TTC13: variants seen among roughly 807,000 people sequenced by gnomAD.
TTC13 encodes the protein tetratricopeptide repeat domain 13.
In TTC13, 62 loss-of-function variants were observed where a neutral mutation model predicts 120.0. That is an observed-to-expected ratio of 0.52 (90% CI 0.42 to 0.64). The LOEUF is 0.64. Among genes scored for constraint, TTC13 ranks in the 30% least tolerant of loss-of-function variants. The probability of loss-of-function intolerance (pLI) is 0.00; values close to 1 mark genes in which losing one functional copy is unlikely to be tolerated. For synonymous variants in TTC13, 384 were observed against 393.5 expected, an observed-to-expected ratio of 0.98 and a Z score of 0.28; for missense variants, 824 against 1,050.2, an observed-to-expected ratio of 0.78 and a Z score of 2.98.
At chr1:230,957,733 A>G (rs1676228748) in intron 3 of TTC13, among the ~76,000 whole-genome samples, 1 of 151,982 alleles carries the variant, frequency 6.6e-6, no homozygotes, top group Non-Finnish European at 1.5e-5. Flanking sequence ...TGCAATGAAC[A>G]CACCAAACTA....
chr1:230,924,026 C>T (rs1033750028), intron 14 of TTC13, 93 bp from the exon 15 acceptor site: 3 of 881,600 alleles, frequency 3.4e-6, no homozygotes, highest in Non-Finnish European at 5.3e-6. Context: ...GATAAAGCAA[C>T]AGCTAGTCCA....
At chr1:230,947,574 AT>A (rs1489751551) in intron 4 of TTC13, among the ~76,000 whole-genome samples, 13 of 151,976 alleles carry the variant, frequency 8.6e-5, no homozygotes, top group East Asian at 1.9e-4. Context: ...AAAAAAAAAA[AT>A]ATCATAATGT....
chr1:230,931,585 G>T, intron 10 of TTC13, 113 bp from the exon 11 acceptor site: 1 of 1,456,616 alleles, frequency 6.9e-7, no homozygotes, highest in Non-Finnish European at 9.4e-7. Flanking sequence ...CTGTAAACTA[G>T]TCTACAGGAC....
intron 1 of TTC13, among the ~76,000 whole-genome samples, chr1:230,964,194 T>C (rs895856718): frequency 1.3e-5 from 2 of 152,238 alleles, no homozygotes; most frequent in African/African-American, 4.8e-5. Context: ...ACTGGATACT[T>C]AGGATGTCCC....
chr1:230,934,246 A>C (rs1240247289), intron 8 of TTC13, among the ~76,000 whole-genome samples: 1 of 152,228 alleles, frequency 6.6e-6, no homozygotes, highest in Non-Finnish European at 1.5e-5. Flanking sequence ...TGTGTGAAAT[A>C]ATTTAAAATG....
intron 11 of TTC13, 137 bp downstream of exon 11, chr1:230,931,161 A>T: frequency 1.3e-6 from 1 of 744,526 alleles, no homozygotes; most frequent in Non-Finnish European, 2.2e-6. Context: ...ACTAGCACTG[A>T]CAAGGTGTGG....
chr1:230,931,378 G>A lies in TTC13; in HGVS notation c.1220C>T (p.Ala407Val). ...AMGQFYEGIK[A>V]QTKVMLNDPL... ...ATCATTCAGCATAACTTTTGTTTGT[G>A]CTTTTATCCCTTCATAAAACTGTCC... The change falls in exon 11 of 23, where the codon GCA becomes GTA. Residue 407 changes from alanine (A) to valine (V), a missense_variant. Physicochemically the swap from Ala to Val is moderately conservative, Grantham distance 64 (BLOSUM62 0). Around this residue, in one of 4 missense-constraint regions of TTC13, gnomAD observed 430 missense variants for 626.8 expected, o/e 0.69. Transcript: ENST00000366661. 6.2e-7 allele frequency: 1 copy of A among 1,614,152 alleles called. No individual in the cohort carries two copies. Among genetic ancestry groups the A allele is most frequent in the Non-Finnish European group, 8.5e-7 (1 of 1,180,020 alleles).
At chr1:230,945,523 T>TA (rs141457550) in intron 4 of TTC13, 69 bp from the exon 5 acceptor site, 96,854 of 1,415,486 alleles carry the variant, frequency 0.068, 4,195 homozygotes, top group South Asian at 0.15. Context: ...AGTTTCTGCT[T>TA]AAAGCACGTT....
intron 4 of TTC13, among the ~76,000 whole-genome samples, chr1:230,953,467 A>T (rs1016660789): frequency 8.5e-5 from 13 of 152,218 alleles, no homozygotes; most frequent in African/African-American, 3.1e-4. Flanking sequence ...TTTACTAAGC[A>T]CTTACTATGT....
intron 4 of TTC13, 58 bp from the exon 5 acceptor site, chr1:230,945,512 C>A: frequency 6.6e-7 from 1 of 1,526,594 alleles, no homozygotes; most frequent in South Asian, 1.1e-5. Flanking sequence ...AACAAAAAAT[C>A]AGTTTCTGCT....
At chr1:230,912,398 T>A (rs972099399) in intron 19 of TTC13, among the ~76,000 whole-genome samples, 3 of 152,226 alleles carry the variant, frequency 2.0e-5, no homozygotes, top group Non-Finnish European at 2.9e-5. Flanking sequence ...CCCAAACTTA[T>A]GATAATGTCA....
At chr1:230,929,171 CT>C (rs1487283735) in intron 11 of TTC13, 78 bp from the exon 12 acceptor site, 4 of 1,398,172 alleles carry the variant, frequency 2.9e-6, no homozygotes, top group Non-Finnish European at 3.9e-6. Context: ...CATACAAATA[CT>C]TTGTAACAAG....
rs1444340218 is a variant in TTC13 at position 230,906,526 on chromosome 1, AT to A, written c.*378del. 13 of 152,764 alleles carry A rather than the reference AT, an allele frequency of 8.5e-5. No individual in the cohort carries two copies. Among genetic ancestry groups the A allele is most frequent in the Non-Finnish European group, 1.6e-4 (11 of 68,636 alleles). The allele number at this position is 152,764 out of a possible 1,614,324, so 9.5% of individuals were successfully genotyped here. On this transcript the variant is annotated 3_prime_UTR_variant, in exon 23 of 23. Transcript: ENST00000366661. ...CGTAAAAAGCAAGTCTTTGAAAAAT[AT>A]CCAGATCTCTAAAGGAATACAAACA...
At position 230,920,594 on chromosome 1, in the gene TTC13, T is replaced by G. The variant is rs772216010; in HGVS notation, c.1899A>C (p.Gly633=). ...CCAGCAATCCTTTAGGATTATTAGCTCTTAAAGAGAGACAGAGAGAGATGG... is the reference window on the plus strand; with the variant it reads ...CCAGCAATCCTTTAGGATTATTAGCGCTTAAAGAGAGACAGAGAGAGATGG... ...FIKDRILVYH[G]ANNPKGLLEV... is the part of the protein sequence containing the mutation. The change falls in exon 17 of 23, where the codon GGA becomes GGC. Residue 633 remains glycine (G), a splice_region_variant and synonymous_variant. Transcript: ENST00000366661. 1 of 1,551,130 alleles carries G rather than the reference T, an allele frequency of 6.4e-7. No homozygotes were observed. Among genetic ancestry groups the G allele is most frequent in the Non-Finnish European group, 8.7e-7 (1 of 1,150,344 alleles).
chr1:230,955,144 G>A (rs12132531), intron 3 of TTC13, among the ~76,000 whole-genome samples: 49,312 of 151,942 alleles, frequency 0.32, 8,120 homozygotes, highest in Middle Eastern at 0.51. Context: ...AGATTACATT[G>A]CCATCTATAA....
At chr1:230,922,438 A>C (rs1470440591) in intron 15 of TTC13, among the ~76,000 whole-genome samples, 1 of 152,068 alleles carries the variant, frequency 6.6e-6, no homozygotes, top group East Asian at 1.9e-4. Context: ...CCAATGTGCA[A>C]ATCTGTTCCT....
At chr1:230,914,337 A>T (rs998607272) in intron 18 of TTC13, among the ~76,000 whole-genome samples, 1 of 151,940 alleles carries the variant, frequency 6.6e-6, no homozygotes, top group Non-Finnish European at 1.5e-5. Context: ...AAGGATAAAG[A>T]CCTTTATGAG....
chr1:230,957,683 T>C (rs901255162), intron 3 of TTC13, among the ~76,000 whole-genome samples: 22 of 152,100 alleles, frequency 1.4e-4, no homozygotes, highest in Non-Finnish European at 7.4e-5. Context: ...ACACACCCAG[T>C]GCATATCTGA....
intron 1 of TTC13, among the ~76,000 whole-genome samples, chr1:230,977,727 G>A (rs1266205223): frequency 6.6e-6 from 1 of 152,222 alleles, no homozygotes; most frequent in Non-Finnish European, 1.5e-5. Context: ...CATAGAGAAG[G>A]GGGAAAGAGA....
Sources: allele counts gnomAD v4.1 joint callset (sites outside exome capture counted in the v4.1 genomes callset), GRCh38; gene constraint gnomAD v4.1.1; regional missense constraint gnomAD v4.1.1; transcripts MANE v1.5; gene names NCBI Gene and HGNC (gene_info 2026-07-23, HGNC 2026-07-21).